CTNNA2: variants seen among roughly 807,000 people sequenced by gnomAD.
CTNNA2 encodes the protein catenin alpha-2.
A neutral mutation model predicts 101.0 loss-of-function variants in CTNNA2; 42 were observed. That is an observed-to-expected ratio of 0.42 (90% CI 0.32 to 0.54). The LOEUF (loss-of-function observed/expected upper bound fraction) is 0.54. CTNNA2 is among the 20% of genes least tolerant of loss of function. CTNNA2 has a pLI of 0.14. For synonymous variants in CTNNA2, 450 were observed against 456.4 expected (o/e 0.99, Z 0.18); for missense variants, 871 against 1,223.1 (o/e 0.71, Z 4.29).
At chr2:80,098,876 G>A (rs1188457887) in intron 7 of CTNNA2, among the ~76,000 whole-genome samples, 1 of 152,168 alleles carries the variant, frequency 6.6e-6, no homozygotes, top group Non-Finnish European at 1.5e-5. Context: ...TCGGGTGGAA[G>A]TAACCCGATT....
intron 7 of CTNNA2, among the ~76,000 whole-genome samples, chr2:80,315,074 T>C (rs902890761): frequency 3.9e-5 from 6 of 152,192 alleles, no homozygotes; most frequent in Non-Finnish European, 8.8e-5. Flanking sequence ...GTTAAAATGC[T>C]ATTGCAATAA....
At chr2:80,084,681 T>C (rs1203627647) in intron 7 of CTNNA2, among the ~76,000 whole-genome samples, 1 of 152,124 alleles carries the variant, frequency 6.6e-6, no homozygotes, top group African/African-American at 2.4e-5. Flanking sequence ...CATGAATACA[T>C]TAATTAACTA....
At chr2:80,589,224 C>T in intron 14 of CTNNA2, 80 bp from the exon 15 acceptor site, 1 of 1,425,522 alleles carries the variant, frequency 7.0e-7, no homozygotes, top group Non-Finnish European at 9.7e-7. Context: ...CTGGCTCTGC[C>T]ATCCGCAGAA....
chr2:79,718,937 C>T (rs1251739099), intron 2 of CTNNA2, among the ~76,000 whole-genome samples: 3 of 148,434 alleles, frequency 2.0e-5, no homozygotes, highest in Non-Finnish European at 3.0e-5. Flanking sequence ...ATTTTTATTT[C>T]TGATACAGGG....
chr2:79,878,078 G>A (rs936051559), intron 6 of CTNNA2, among the ~76,000 whole-genome samples: 2 of 152,136 alleles, frequency 1.3e-5, no homozygotes, highest in Non-Finnish European at 2.9e-5. Context: ...TTGGTGTTCT[G>A]TTCCTGTGTT....
chr2:79,589,117 C>T (rs1466710279), intron 1 of CTNNA2, among the ~76,000 whole-genome samples: 2 of 152,188 alleles, frequency 1.3e-5, no homozygotes, highest in African/African-American at 4.8e-5. Context: ...GGAGGAATGA[C>T]ATTCTGTCCT....
In CTNNA2 at chr2:80,560,673, T is replaced by TCTC. The variant is rs542093800; in HGVS notation, c.1741+4792_1741+4794dup. On this transcript the variant is annotated intron_variant, in intron 12 of 18. Coordinates refer to ENST00000402739, the MANE Select transcript of CTNNA2 (RefSeq NM_001282597.3). ...TCTGTCCTCCCTGCAACGTTCTTCA[T>TCTC]CTCCTCCTCCTCCTGCTTTACATCT... 1.7e-3 allele frequency among the ~76,000 whole-genome samples: 257 copies of TCTC among 152,242 alleles called. 1 individual carries two copies. Among genetic ancestry groups the TCTC allele is most frequent in the Middle Eastern group, 6.8e-3 (2 of 294 alleles).
chr2:79,822,903 G>A (rs981699492), intron 3 of CTNNA2, among the ~76,000 whole-genome samples: 7 of 152,142 alleles, frequency 4.6e-5, no homozygotes, highest in African/African-American at 1.7e-4. Context: ...TACCCCACTT[G>A]CCTACCACCA....
At chr2:79,493,601 A>G (rs1671226016) in intron 4 of CTNNA2, 1 of 152,210 alleles carries the variant, frequency 6.6e-6, no homozygotes, top group Non-Finnish European at 1.5e-5. Flanking sequence ...GGGCAACAAC[A>G]GAGCAAGACT....
At chr2:80,165,351 C>A (rs116615024) in intron 7 of CTNNA2, among the ~76,000 whole-genome samples, 1,808 of 149,142 alleles carry the variant, frequency 0.012, 35 homozygotes, top group African/African-American at 0.042. Context: ...CTCTTCTATT[C>A]TGCTATTAAG....
chr2:80,285,027 G>T (rs967414739), intron 7 of CTNNA2, among the ~76,000 whole-genome samples: 1 of 152,076 alleles, frequency 6.6e-6, no homozygotes, highest in African/African-American at 2.4e-5. Flanking sequence ...AAAAAGGAGG[G>T]GCTCTTTCTT....
intron 3 of CTNNA2, among the ~76,000 whole-genome samples, chr2:79,337,485 A>G (rs1055801209): frequency 6.6e-6 from 1 of 152,204 alleles, no homozygotes; most frequent in Non-Finnish European, 1.5e-5. Context: ...CTAGTGATGG[A>G]TGACAGGATC....
At chr2:80,262,581 G>T (rs1008259524) in intron 7 of CTNNA2, among the ~76,000 whole-genome samples, 1 of 152,072 alleles carries the variant, frequency 6.6e-6, no homozygotes, top group Non-Finnish European at 1.5e-5. Flanking sequence ...GGTTGCTTAG[G>T]CCTGTAATGT....
intron 9 of CTNNA2, among the ~76,000 whole-genome samples, chr2:80,446,957 G>C (rs1386839513): frequency 1.3e-5 from 2 of 151,974 alleles, no homozygotes; most frequent in African/African-American, 4.8e-5. Flanking sequence ...TATTCTGATT[G>C]CACCAACATT....
At chr2:79,882,853 C>G (rs999855400) in intron 6 of CTNNA2, among the ~76,000 whole-genome samples, 1 of 152,220 alleles carries the variant, frequency 6.6e-6, no homozygotes, top group African/African-American at 2.4e-5. Flanking sequence ...GTGGCGTCTT[C>G]CGATCCGTGG....
intron 2 of CTNNA2, among the ~76,000 whole-genome samples, chr2:79,228,374 T>C (rs1558580136): frequency 6.6e-6 from 1 of 152,222 alleles, no homozygotes; most frequent in Non-Finnish European, 1.5e-5. Flanking sequence ...CCACCAACAG[T>C]GTAAACGCAT....
chr2:80,124,381 GATACTTTTTGTCC>G (rs1447649725), intron 7 of CTNNA2, among the ~76,000 whole-genome samples: 2 of 152,110 alleles, frequency 1.3e-5, no homozygotes, highest in Admixed American at 1.3e-4. Flanking sequence ...CATAATCTAA[GATACTTTTTGTCC>G]CCATTTTACC....
intron 4 of CTNNA2, among the ~76,000 whole-genome samples, chr2:79,408,525 A>G (rs1678366707): frequency 6.8e-6 from 1 of 146,848 alleles, no homozygotes; most frequent in Non-Finnish European, 1.5e-5. Flanking sequence ...TCATTGTTCA[A>G]TTCCCACCTA....
chr2:79,763,100 A>T (rs1451466985), intron 3 of CTNNA2, among the ~76,000 whole-genome samples: 1 of 152,204 alleles, frequency 6.6e-6, no homozygotes, highest in Non-Finnish European at 1.5e-5. Flanking sequence ...TTCGTGATTG[A>T]CAATGGGAGT....
Sources: allele counts gnomAD v4.1 joint callset (sites outside exome capture counted in the v4.1 genomes callset), GRCh38; gene constraint gnomAD v4.1.1; transcripts MANE v1.5; gene names NCBI Gene and HGNC (gene_info 2026-07-23, HGNC 2026-07-21).